Variants in CHST9 observed in about 807,000 individuals in gnomAD.
CHST9 encodes the protein GalNAc-4-sulfotransferase 2.
Under a neutral mutation model 44.4 loss-of-function variants are expected in CHST9, and 41 were observed. That is an observed-to-expected ratio of 0.92 (90% CI 0.72 to 1.20). The LOEUF is 1.20. CHST9 is among the 50% of genes most tolerant of loss of function. The pLI, the probability that CHST9 is intolerant of heterozygous loss-of-function variation, is 0.00. For missense variants in CHST9, 504 were observed against 516.5 expected (o/e 0.98, Z 0.23); for synonymous variants, 171 against 178.4 (o/e 0.96, Z 0.33).
intron 4 of CHST9, among the ~76,000 whole-genome samples, chr18:27,021,720 G>A (rs796593110): frequency 2.0e-5 from 3 of 152,238 alleles, no homozygotes; most frequent in African/African-American, 7.2e-5. Flanking sequence ...CAGTAACCCA[G>A]TGGTTCCTAT....
intron 4 of CHST9, among the ~76,000 whole-genome samples, chr18:26,946,684 T>C (rs960947233): frequency 6.6e-6 from 1 of 152,204 alleles, no homozygotes; most frequent in Non-Finnish European, 1.5e-5. Context: ...CCATCTTGAG[T>C]TAATTTTTGT....
intron 2 of CHST9, among the ~76,000 whole-genome samples, chr18:27,053,306 G>GAAGGAGAAGGAGAAGGAC (rs2057610030): frequency 1.6e-5 from 2 of 124,608 alleles, no homozygotes; most frequent in Non-Finnish European, 3.4e-5. Context: ...AGGAGAAGGA[G>GAAGGAGAAGGAGAAGGAC]AAGGAGAAGG....
chr18:26,918,291 A>T (rs1254716719), intron 5 of CHST9, among the ~76,000 whole-genome samples: 8 of 152,086 alleles, frequency 5.3e-5, no homozygotes, highest in Non-Finnish European at 8.8e-5. Flanking sequence ...ACATGATCTC[A>T]CTTAGACTTG....
At chr18:27,141,066 A>C (rs936818763) in intron 2 of CHST9, among the ~76,000 whole-genome samples, 2 of 152,174 alleles carry the variant, frequency 1.3e-5, no homozygotes, top group Non-Finnish European at 2.9e-5. Context: ...CAGGAGTTCA[A>C]GACGAGCCTG....
intron 4 of CHST9, among the ~76,000 whole-genome samples, chr18:26,993,464 C>A (rs1272675347): frequency 1.3e-5 from 2 of 152,094 alleles, no homozygotes; most frequent in Non-Finnish European, 2.9e-5. Flanking sequence ...AAGAAAAGTT[C>A]TTTATCTGTG....
rs868745458 is a variant in CHST9, at chr18:26,914,930, T to G, written c.*1329A>C. 2.5e-6 allele frequency: 1 copy of G among 397,944 alleles called. No homozygotes were observed. Among genetic ancestry groups the G allele is most frequent in the Non-Finnish European group, 4.4e-6 (1 of 225,642 alleles). The allele number at this position is 397,944 out of a possible 1,614,324, so 24.7% of individuals were successfully genotyped here. A position where few individuals can be genotyped will look rare whatever the true frequency, so the allele number is the denominator to read the frequency against. On this transcript the variant is annotated 3_prime_UTR_variant, in exon 6 of 6. Coordinates refer to ENST00000618847, the MANE Select transcript of CHST9 (RefSeq NM_031422.6). ...TAACTCGGGGTAAAAGTCGACCAAT[T>G]AAAGTAGGTTTCCCATCCAAATGTT... is the stretch of plus-strand genomic sequence containing the variant.
At chr18:27,159,036 A>T (rs987494457) in intron 1 of CHST9, among the ~76,000 whole-genome samples, 4 of 152,164 alleles carry the variant, frequency 2.6e-5, no homozygotes, top group Admixed American at 6.5e-5. Flanking sequence ...CAGATTGCAA[A>T]AATTTTCTCC....
At chr18:27,184,668 G>T (rs1406720939) in intron 1 of CHST9, among the ~76,000 whole-genome samples, 1 of 152,132 alleles carries the variant, frequency 6.6e-6, no homozygotes, top group Non-Finnish European at 1.5e-5. Context: ...AGAGATGCTC[G>T]TCTTTCTGCC....
intron 2 of CHST9, among the ~76,000 whole-genome samples, chr18:27,114,862 G>C (rs190227058): frequency 9.9e-5 from 15 of 152,218 alleles, no homozygotes; most frequent in Admixed American, 4.6e-4. Context: ...TGGATACGTG[G>C]GTACTGATGT....
intron 1 of CHST9, among the ~76,000 whole-genome samples, chr18:27,178,693 T>C (rs980019099): frequency 6.6e-6 from 1 of 151,984 alleles, no homozygotes; most frequent in African/African-American, 2.4e-5. Context: ...TTTTAGGATG[T>C]CAAGAGTGCA....
chr18:26,982,776 T>C (rs2056708253), intron 4 of CHST9, among the ~76,000 whole-genome samples: 1 of 152,218 alleles, frequency 6.6e-6, no homozygotes, highest in African/African-American at 2.4e-5. Context: ...TTCAAGTACT[T>C]ATTCATTTAT....
chr18:27,102,064 T>TC (rs2058177807), intron 2 of CHST9, among the ~76,000 whole-genome samples: 1 of 152,216 alleles, frequency 6.6e-6, no homozygotes, highest in Admixed American at 6.5e-5. Context: ...TGAAGAATTT[T>TC]CCCAGGGTTA....
chr18:26,940,794 C>T (rs2056071509), intron 5 of CHST9, among the ~76,000 whole-genome samples: 1 of 152,126 alleles, frequency 6.6e-6, no homozygotes, highest in African/African-American at 2.4e-5. Context: ...AAGAATACAA[C>T]CTTGTTTGAT....
chr18:26,939,910 G>C (rs927933653), intron 5 of CHST9, among the ~76,000 whole-genome samples: 11 of 152,120 alleles, frequency 7.2e-5, no homozygotes, highest in African/African-American at 2.7e-4. Context: ...CTAAGCACCA[G>C]GTGAAACTAT....
At chr18:27,123,570 G>T (rs930397134) in intron 2 of CHST9, among the ~76,000 whole-genome samples, 1 of 152,210 alleles carries the variant, frequency 6.6e-6, no homozygotes, top group African/African-American at 2.4e-5. Flanking sequence ...GAAGTCTGGG[G>T]AGGGCTAATA....
chr18:26,949,192 C>T (rs145735773), intron 4 of CHST9, among the ~76,000 whole-genome samples: 501 of 152,092 alleles, frequency 3.3e-3, no homozygotes, highest in Middle Eastern at 3.4e-3. Flanking sequence ...GGGCTTGAGC[C>T]CAGGCAGTGA....
intron 2 of CHST9, among the ~76,000 whole-genome samples, chr18:27,062,485 A>G (rs1207873653): frequency 1.3e-5 from 2 of 152,222 alleles, no homozygotes; most frequent in Non-Finnish European, 2.9e-5. Flanking sequence ...CACAAAGGAC[A>G]TGAACTCATC....
rs1421455417 is a variant in CHST9 at position 26,944,282 on chromosome 18, AT to A, written c.240+46del. On this transcript the variant is annotated intron_variant, in intron 5 of 5. Coordinates refer to ENST00000618847, the MANE Select transcript of CHST9 (RefSeq NM_031422.6). ...TTTATATTTACACATGTTTATTAAC[AT>A]TGAAACAAAATTCTATATTAGAGTT... is the stretch of plus-strand genomic sequence containing the variant. 7 of 1,449,462 alleles carry A rather than the reference AT, an allele frequency of 4.8e-6. No homozygotes were observed. The East Asian group carries it at 1.6e-4, about 33-fold the overall frequency. 89.8% of individuals were successfully genotyped at this position (1,449,462 alleles called of 1,614,324 possible).
chr18:27,126,003 G>GA (rs1308323144), intron 2 of CHST9, among the ~76,000 whole-genome samples: 1 of 152,062 alleles, frequency 6.6e-6, no homozygotes, highest in African/African-American at 2.4e-5. Flanking sequence ...ATTTATTACA[G>GA]AAAAAAACAA....
Sources: gnomAD v4.1 joint callset for allele counts (sites outside exome capture counted in the v4.1 genomes callset) on GRCh38, gnomAD v4.1.1 for gene constraint, MANE v1.5 for transcripts, NCBI Gene and HGNC (gene_info 2026-07-23, HGNC 2026-07-21) for gene names.